Variants in GCNT4 observed in about 807,000 individuals in gnomAD.
GCNT4 encodes glucosaminyl (N-acetyl) transferase 4.
Under a neutral mutation model 31.3 loss-of-function variants are expected in GCNT4, and 17 were observed. The ratio of observed to expected loss-of-function variants is 0.54; its 90% CI spans 0.37 to 0.81. The LOEUF (loss-of-function observed/expected upper bound fraction) is 0.81. Ranked by LOEUF, GCNT4 falls within the 40% of genes least tolerant of loss-of-function variation. GCNT4 has a pLI of 0.00. For synonymous variants in GCNT4, 158 were observed against 190.6 expected (o/e 0.83, Z 1.41); for missense variants, 503 against 525.5 (o/e 0.96, Z 0.42).
chr5:75,029,157 T>TG lies in GCNT4; in HGVS notation c.880dup (p.His294ProfsTer2), dbSNP rs768450027. 22 of 1,613,590 alleles carry TG rather than the reference T, an allele frequency of 1.4e-5. No homozygotes were observed. The highest frequency in any genetic ancestry group is 1.6e-4 in the Middle Eastern group (1 of 6,084). ...ACTGCCAACAAATATCTGAATGTTATGGGGGGGTGCTTCCTTGGAGATGTT... is the reference window on the plus strand; with the variant it reads ...ACTGCCAACAAATATCTGAATGTTATGGGGGGGGTGCTTCCTTGGAGATGTT... On this transcript the variant is annotated frameshift_variant, in exon 4 of 4. Transcript: ENST00000652361. LOFTEE classifies it high-confidence loss of function.
rs1742964519 is a variant in GCNT4 at position 75,027,282 on chromosome 5, TAA to T, written c.*1392_*1393del. On this transcript the variant is annotated 3_prime_UTR_variant, in exon 4 of 4. Coordinates refer to ENST00000652361, the MANE Select transcript of GCNT4 (RefSeq NM_001366737.1). ...TAATATATATTCATTATATGTTATA[TAA>T]TATATATTTATATATATATAATTAT... The T allele has an allele frequency of 2.7e-5, 3 of 111,534 alleles. No homozygotes were observed. Among genetic ancestry groups the T allele is most frequent in the African/African-American group, 1.1e-4 (3 of 27,072 alleles). 6.9% of individuals were successfully genotyped at this position (111,534 alleles called of 1,614,324 possible). A position where few individuals can be genotyped will look rare whatever the true frequency, so the allele number is the denominator to read the frequency against.
intron 3 of GCNT4, among the ~76,000 whole-genome samples, chr5:75,038,069 ATT>A (rs202239305): frequency 6.8e-6 from 1 of 147,946 alleles, no homozygotes. Context: ...TAAGAAACAC[ATT>A]TTTTTTTTGG....
intron 3 of GCNT4, among the ~76,000 whole-genome samples, chr5:75,037,378 A>T (rs1360300366): frequency 1.3e-5 from 2 of 152,180 alleles, no homozygotes; most frequent in Non-Finnish European, 2.9e-5. Context: ...TTACATTCTT[A>T]TTGTTCTGGA....
chr5:75,039,330 G>T (rs538296115), intron 3 of GCNT4, among the ~76,000 whole-genome samples: 12 of 152,132 alleles, frequency 7.9e-5, no homozygotes, highest in Non-Finnish European at 1.8e-4. Context: ...TTGACCTCAG[G>T]TGATCCACTT....
At chr5:75,046,845 T>C (rs1189782310) in intron 3 of GCNT4, among the ~76,000 whole-genome samples, 2 of 152,168 alleles carry the variant, frequency 1.3e-5, no homozygotes, top group African/African-American at 4.8e-5. Flanking sequence ...ACTTGCAAAA[T>C]AGCAGGTACA....
rs138723563 is a variant in GCNT4 at position 75,029,044 on chromosome 5, A to G, written c.994T>C (p.Tyr332His). ...GCCCAAAAGTGCTCATCAGGAGAGTATGTGTCTTTAGACCAGGCAAAAAAG... is the reference window on the plus strand; with the variant it reads ...GCCCAAAAGTGCTCATCAGGAGAGTGTGTGTCTTTAGACCAGGCAAAAAAG... ...QDFFAWSKDT[Y>H]SPDEHFWATL... The change falls in exon 4 of 4, where the codon TAC (tyrosine) becomes CAC (histidine). Residue 332 changes from tyrosine to histidine, a missense_variant. Physicochemically the swap from Tyr to His is moderately conservative, Grantham distance 83 (BLOSUM62 2). Transcript: ENST00000652361. 6 of 1,614,058 alleles carry G rather than the reference A, an allele frequency of 3.7e-6. No homozygotes were observed. The highest frequency in any genetic ancestry group is 2.7e-5 in the African/African-American group (2 of 74,950).
intron 3 of GCNT4, among the ~76,000 whole-genome samples, chr5:75,032,769 C>T (rs923791089): frequency 6.6e-6 from 1 of 152,136 alleles, no homozygotes; most frequent in Non-Finnish European, 1.5e-5. Flanking sequence ...TCCCCACTCC[C>T]TTGCCTGACA....
chr5:75,019,696 T>TTA, the GCNT4 span, among the ~76,000 whole-genome samples: 2 of 152,210 alleles, frequency 1.3e-5, no homozygotes, highest in Non-Finnish European at 2.9e-5. Context: ...CTGTAAGATT[T>TTA]TATATATATA....
chr5:75,041,688 A>G (rs1743323767), intron 3 of GCNT4, among the ~76,000 whole-genome samples: 1 of 151,896 alleles, frequency 6.6e-6, no homozygotes, highest in Admixed American at 6.6e-5. Context: ...GCAATGTAAC[A>G]ACAACAACAA....
At chr5:75,020,365 G>A (rs1031257526), downstream of GCNT4, among the ~76,000 whole-genome samples, 1 of 152,084 alleles carries the variant, frequency 6.6e-6, no homozygotes, top group African/African-American at 2.4e-5. Flanking sequence ...CAGTTGCTTC[G>A]AAGGCAGACA....
chr5:75,041,186 C>T (rs1743309091), intron 3 of GCNT4, among the ~76,000 whole-genome samples: 1 of 152,188 alleles, frequency 6.6e-6, no homozygotes, highest in African/African-American at 2.4e-5. Context: ...TGAAGCCATC[C>T]CTAAGGACCA....
chr5:75,046,849 A>T (rs960553001), intron 3 of GCNT4, among the ~76,000 whole-genome samples: 7 of 152,256 alleles, frequency 4.6e-5, no homozygotes, highest in African/African-American at 1.4e-4. Flanking sequence ...GCAAAATAGC[A>T]GGTACAAGAC....
rs769380116 is a variant in GCNT4, at chr5:75,036,276, T to C, written c.-1-6238A>G. ...AATCAAGAGTTGTCACTAGGTGCACTATTCTAAGTACTCTAGATGTAATTC... is the reference window on the plus strand; with the variant it reads ...AATCAAGAGTTGTCACTAGGTGCACCATTCTAAGTACTCTAGATGTAATTC... On this transcript the variant is annotated intron_variant, in intron 3 of 3. Transcript: ENST00000652361. Among the ~76,000 whole-genome samples the C allele has an allele frequency of 2.6e-5, 4 of 152,332 alleles. No individual in the cohort carries two copies. In the East Asian group the frequency reaches 5.8e-4, roughly 22 times the overall value.
rs1207141503 is a variant in GCNT4 at position 75,026,014 on chromosome 5, C to T, written c.*2662G>A. 1 of 152,168 alleles carries T rather than the reference C, an allele frequency of 6.6e-6. No individual in the cohort carries two copies. The highest frequency in any genetic ancestry group is 1.9e-4 in the East Asian group (1 of 5,206). The allele number at this position is 152,168 out of a possible 1,614,324, so 9.4% of individuals were successfully genotyped here. A position where few individuals can be genotyped will look rare whatever the true frequency, so the allele number is the denominator to read the frequency against. On this transcript the variant is annotated 3_prime_UTR_variant, in exon 4 of 4. Coordinates refer to ENST00000652361, the MANE Select transcript of GCNT4 (RefSeq NM_001366737.1). ...GGGAAGAATCAGATATGAAGGCGTA[C>T]AGGAAATCTGTAGGATTTCCAAGGC...
At chr5:75,023,385 A>T (rs1580232882), downstream of GCNT4, among the ~76,000 whole-genome samples, 3 of 152,316 alleles carry the variant, frequency 2.0e-5, no homozygotes, top group East Asian at 5.8e-4. Context: ...TTTATAACAA[A>T]CATACATGAA....
At position 75,026,350 on chromosome 5, in the gene GCNT4, T is replaced by C. The variant is rs1414077189; in HGVS notation, c.*2326A>G. On this transcript the variant is annotated 3_prime_UTR_variant, in exon 4 of 4. Transcript: ENST00000652361. ...TCATCCTAGATGGTGGGAAAAGTATTTGTAGCCCCATTCTCAATGTGTCAC... is the reference window on the plus strand; with the variant it reads ...TCATCCTAGATGGTGGGAAAAGTATCTGTAGCCCCATTCTCAATGTGTCAC... The C allele has an allele frequency of 6.6e-6, 1 of 152,116 alleles. No individual in the cohort carries two copies. The highest frequency in any genetic ancestry group is 1.5e-5 in the Non-Finnish European group (1 of 68,008). The allele number at this position is 152,116 out of a possible 1,614,324, so 9.4% of individuals were successfully genotyped here. A position where few individuals can be genotyped will look rare whatever the true frequency, so the allele number is the denominator to read the frequency against.
intron 2 of GCNT4, among the ~76,000 whole-genome samples, chr5:75,049,544 C>A (rs9293641): frequency 0.13 from 20,175 of 152,122 alleles, 1,513 homozygotes; most frequent in South Asian, 0.23. Context: ...GTCTTTAGAT[C>A]CCACTAGGAA....
chr5:75,053,725 C>T (rs1011974314), upstream of GCNT4, among the ~76,000 whole-genome samples: 3 of 152,138 alleles, frequency 2.0e-5, no homozygotes, highest in South Asian at 2.1e-4. Context: ...AAAGTAGGAG[C>T]GCCTCCGCGC....
chr5:75,036,478 T>C (rs1368416309), intron 3 of GCNT4, among the ~76,000 whole-genome samples: 4 of 152,240 alleles, frequency 2.6e-5, no homozygotes, highest in Non-Finnish European at 4.4e-5. Context: ...TAACCCTTTA[T>C]GCAATAGTGT....
Sources: gnomAD v4.1 joint callset for allele counts (sites outside exome capture counted in the v4.1 genomes callset) on GRCh38, gnomAD v4.1.1 for gene constraint, MANE v1.5 for transcripts, NCBI Gene and HGNC (gene_info 2026-07-23, HGNC 2026-07-21) for gene names.